The following LIN7A variants were observed in gnomAD, a reference collection of about 807,000 sequenced individuals.
The protein encoded by LIN7A is lin-7 cell polarity scaffold A.
LIN7A carries 25 observed loss-of-function variants against 29.8 expected under a neutral mutation model. The observed-to-expected ratio is 0.84, with a 90% CI of 0.61 to 1.17. The LOEUF is 1.17. LIN7A is among the 50% of genes most tolerant of loss of function. The pLI, the probability that LIN7A is intolerant of heterozygous loss-of-function variation, is 0.00. For synonymous variants in LIN7A, 118 were observed against 107.5 expected (o/e 1.10, Z -0.60); for missense variants, 239 against 287.0 (o/e 0.83, Z 1.21).
chr12:80,936,737 G>C (rs1160669347), intron 1 of LIN7A: 1 of 3,954 alleles, frequency 2.5e-4, no homozygotes, highest in East Asian at 9.8e-3. Flanking sequence ...CCCTGAGCTT[G>C]TGAGGGCGTC....
In LIN7A at chr12:80,792,811, GA is replaced by G. The variant is rs1433134252; in HGVS notation, c.*4915del. ...ACAGCGGCTAACAAGAAATAAATCT[GA>G]AAAGTCACTGAAATATTTATCACAT... is the stretch of plus-strand genomic sequence containing the variant. On this transcript the variant is annotated 3_prime_UTR_variant, in exon 6 of 6. Coordinates refer to ENST00000552864, the MANE Select transcript of LIN7A (RefSeq NM_004664.4). The G allele has an allele frequency of 1.3e-5, 2 of 152,106 alleles. No individual in the cohort carries two copies. Among genetic ancestry groups the G allele is most frequent in the East Asian group, 3.9e-4 (2 of 5,192 alleles). 9.4% of individuals were successfully genotyped at this position (152,106 alleles called of 1,614,324 possible).
chr12:80,868,105 C>G (rs1318217027), intron 2 of LIN7A, among the ~76,000 whole-genome samples: 2 of 152,196 alleles, frequency 1.3e-5, no homozygotes, highest in Non-Finnish European at 2.9e-5. Context: ...TTGACTGCAC[C>G]TTGGTAGCAC....
At chr12:80,916,760 A>G (rs1481269609) in intron 1 of LIN7A, among the ~76,000 whole-genome samples, 1 of 152,226 alleles carries the variant, frequency 6.6e-6, no homozygotes, top group African/African-American at 2.4e-5. Context: ...AAAAGATTTC[A>G]TGAGGATTTA....
At chr12:80,915,446 G>A (rs78137570) in intron 1 of LIN7A, among the ~76,000 whole-genome samples, 9,909 of 152,236 alleles carry the variant, frequency 0.065, 336 homozygotes, top group Middle Eastern at 0.088. Flanking sequence ...CAGTCCAGCC[G>A]TTCTGGAGAT....
intron 5 of LIN7A, among the ~76,000 whole-genome samples, chr12:80,808,315 G>A (rs1446112048): frequency 6.6e-6 from 1 of 152,044 alleles, no homozygotes; most frequent in Non-Finnish European, 1.5e-5. Context: ...ACTCTGCAAA[G>A]TACTGGTCCC....
chr12:80,826,318 T>C lies in LIN7A; in HGVS notation c.484-14635A>G, dbSNP rs577971752. Among the ~76,000 whole-genome samples the C allele has an allele frequency of 3.9e-5, 6 of 152,348 alleles. No individual in the cohort carries two copies. The East Asian group carries it at 5.8e-4, about 15-fold the overall frequency. ...TTCAACCCTCTTCTCTAGTTCCTGC[T>C]ATCACTAGTCATGTAGCCACCCAAG... is the stretch of plus-strand genomic sequence containing the variant. On this transcript the variant is annotated intron_variant, in intron 4 of 5. Coordinates refer to ENST00000552864, the MANE Select transcript of LIN7A (RefSeq NM_004664.4).
chr12:80,813,507 A>G (rs904239378), intron 4 of LIN7A, among the ~76,000 whole-genome samples: 1 of 152,184 alleles, frequency 6.6e-6, no homozygotes, highest in South Asian at 2.1e-4. Flanking sequence ...AAATCTATTC[A>G]GGATACAATC....
At chr12:80,889,001 C>G (rs1242872397) in intron 2 of LIN7A, among the ~76,000 whole-genome samples, 2 of 152,076 alleles carry the variant, frequency 1.3e-5, no homozygotes, top group Admixed American at 1.3e-4. Flanking sequence ...CTACATGCAA[C>G]AGTCACCTGC....
At chr12:80,919,141 G>A (rs1877170975) in intron 1 of LIN7A, among the ~76,000 whole-genome samples, 1 of 152,186 alleles carries the variant, frequency 6.6e-6, no homozygotes, top group Non-Finnish European at 1.5e-5. Context: ...AGGAATGCAT[G>A]CCGGTAGTTG....
chr12:80,918,907 C>T (rs190317186), intron 1 of LIN7A, among the ~76,000 whole-genome samples: 18 of 152,300 alleles, frequency 1.2e-4, no homozygotes, highest in Admixed American at 8.5e-4. Flanking sequence ...TGTACCTTTT[C>T]TATATTCAGA....
chr12:80,937,708 G>C lies in LIN7A; in HGVS notation c.15C>G (p.Ser5Arg), dbSNP rs1752979071. 25 of 1,537,206 alleles carry C rather than the reference G, an allele frequency of 1.6e-5. No individual in the cohort carries two copies. Among genetic ancestry groups the C allele is most frequent in the Non-Finnish European group, 2.2e-5 (25 of 1,134,702 alleles). Residue 5 changes from serine to arginine, a missense_variant, in exon 1 of 6, where the codon AGC becomes AGG. Transcript: ENST00000552864. ...TGTCTGCCGTGGGAGCCGAAGTGACGCTCGGCTTCAGCATCAGCAACCGCT... is the reference window on the plus strand; with the variant it reads ...TGTCTGCCGTGGGAGCCGAAGTGACCCTCGGCTTCAGCATCAGCAACCGCT... MLKP[S>R]VTSAPTADMA...
rs184714298 is a variant in LIN7A at position 80,924,412 on chromosome 12, G to A, written c.82+13229C>T. ...AATGCACCCCTGGGGAGAAGAGGTG[G>A]AGAATAAAATAATTGTTGAGCACTT... On this transcript the variant is annotated intron_variant, in intron 1 of 5. Transcript: ENST00000552864. Among the ~76,000 whole-genome samples, 21 of 152,300 alleles carry A rather than the reference G, an allele frequency of 1.4e-4. No homozygotes were observed. In the East Asian group the frequency reaches 4.0e-3, roughly 29 times the overall value.
intron 4 of LIN7A, among the ~76,000 whole-genome samples, chr12:80,816,831 C>T (rs1426194183): frequency 6.6e-6 from 1 of 152,198 alleles, no homozygotes; most frequent in African/African-American, 2.4e-5. Context: ...TGCAATGGCA[C>T]GATCTTGGCT....
At chr12:80,923,331 C>A (rs1421213160) in intron 1 of LIN7A, among the ~76,000 whole-genome samples, 2 of 152,064 alleles carry the variant, frequency 1.3e-5, no homozygotes. Flanking sequence ...TCTTCTCAGC[C>A]TCCATAATTG....
chr12:80,915,743 A>G (rs1877000563), intron 1 of LIN7A, among the ~76,000 whole-genome samples: 1 of 152,210 alleles, frequency 6.6e-6, no homozygotes, highest in South Asian at 2.1e-4. Flanking sequence ...GATGCAGCTG[A>G]TTAAGCTATT....
chr12:80,800,530 G>GCTAAAACT (rs1870673550), intron 5 of LIN7A, among the ~76,000 whole-genome samples: 1 of 129,048 alleles, frequency 7.7e-6, no homozygotes, highest in Admixed American at 7.8e-5. Context: ...GACACAATCT[G>GCTAAAACT]CTAAAACTCA....
At chr12:80,800,143 C>G (rs891388934) in intron 5 of LIN7A, among the ~76,000 whole-genome samples, 1 of 152,026 alleles carries the variant, frequency 6.6e-6, no homozygotes. Context: ...ATACTATGAA[C>G]AACTTTATAT....
At chr12:80,831,089 T>C (rs963637102) in intron 4 of LIN7A, among the ~76,000 whole-genome samples, 4 of 151,878 alleles carry the variant, frequency 2.6e-5, no homozygotes, top group Non-Finnish European at 4.4e-5. Context: ...TTTTGTCTCT[T>C]TTTTTTCATT....
At chr12:80,913,714 A>G (rs897411811) in intron 1 of LIN7A, among the ~76,000 whole-genome samples, 7 of 152,236 alleles carry the variant, frequency 4.6e-5, no homozygotes, top group African/African-American at 1.7e-4. Flanking sequence ...CTCACTCTGA[A>G]CACTGACAAT....
Sources: allele counts gnomAD v4.1 joint callset (sites outside exome capture counted in the v4.1 genomes callset), GRCh38; gene constraint gnomAD v4.1.1; transcripts MANE v1.5; gene names NCBI Gene and HGNC (gene_info 2026-07-23, HGNC 2026-07-21).